MDGA2: variants seen among roughly 807,000 people sequenced by gnomAD.
The protein encoded by MDGA2 is MAM domain containing glycosylphosphatidylinositol anchor 2, also known as MAM domain-containing glycosylphosphatidylinositol anchor protein 2.
MDGA2 carries 40 observed loss-of-function variants against 117.8 expected under a neutral mutation model. The observed-to-expected ratio is 0.34, with a 90% CI of 0.26 to 0.44. The LOEUF is 0.44. Among genes scored for constraint, MDGA2 ranks in the 20% least tolerant of loss-of-function variants. The pLI is 1.00. For missense variants in MDGA2, 1,123 were observed against 1,250.6 expected (o/e 0.90, Z 1.54); for synonymous variants, 452 against 439.0 (o/e 1.03, Z -0.37).
intron 6 of MDGA2, 126 bp downstream of exon 6, chr14:47,096,728 C>T (rs1879991161): frequency 2.1e-6 from 2 of 946,574 alleles, no homozygotes; most frequent in East Asian, 2.5e-5. Context: ...ATTATTTATA[C>T]ATGATTTTAT....
chr14:47,360,720 G>GATAT (rs1197743188), intron 1 of MDGA2, among the ~76,000 whole-genome samples: 1 of 152,058 alleles, frequency 6.6e-6, no homozygotes, highest in Non-Finnish European at 1.5e-5. Context: ...TCCCTCTGTA[G>GATAT]ATATATACCC....
chr14:47,151,897 T>C (rs1005652520), intron 3 of MDGA2, among the ~76,000 whole-genome samples: 30 of 152,144 alleles, frequency 2.0e-4, no homozygotes, highest in African/African-American at 7.2e-4. Context: ...ATCTAATAAA[T>C]TAATATAAAG....
In MDGA2 at chr14:47,144,858, C is replaced by T. The variant is rs541744967; in HGVS notation, c.596-584G>A. On this transcript the variant is annotated intron_variant, in intron 3 of 16. Coordinates refer to ENST00000399232, the MANE Select transcript of MDGA2 (RefSeq NM_001113498.3). The stretch of plus-strand genomic sequence containing the variant: ...ACAGACAGGGACTGGCTATGTTGTC[C>T]AGGCTGGTCTTAAACTCCTGGCTTC... Among the ~76,000 whole-genome samples the T allele has an allele frequency of 6.3e-5, 9 of 142,048 alleles. No homozygotes were observed. In the South Asian group the frequency reaches 2.0e-3, roughly 31 times the overall value. 93.2% of individuals were successfully genotyped at this position (142,048 alleles called of 152,430 possible). A position where few individuals can be genotyped will look rare whatever the true frequency, so the allele number is the denominator to read the frequency against.
chr14:47,004,215 G>A (rs1217700648), intron 8 of MDGA2, among the ~76,000 whole-genome samples: 1 of 151,818 alleles, frequency 6.6e-6, no homozygotes, highest in Non-Finnish European at 1.5e-5. Flanking sequence ...AGTCATCAGA[G>A]AAATACAAAT....
chr14:47,189,123 C>A (rs1465343217), intron 3 of MDGA2, among the ~76,000 whole-genome samples: 1 of 152,116 alleles, frequency 6.6e-6, no homozygotes, highest in Non-Finnish European at 1.5e-5. Context: ...GCTCTGGTAT[C>A]CTGAGATTGC....
chr14:47,222,722 T>C (rs1347494985), intron 2 of MDGA2, among the ~76,000 whole-genome samples: 1 of 152,158 alleles, frequency 6.6e-6, no homozygotes, highest in Non-Finnish European at 1.5e-5. Context: ...AATCAAAAAT[T>C]AGAGGTAGGA....
At chr14:47,549,509 A>AC (rs1895538762) in intron 1 of MDGA2, among the ~76,000 whole-genome samples, 1 of 152,018 alleles carries the variant, frequency 6.6e-6, no homozygotes, top group Non-Finnish European at 1.5e-5. Context: ...TTTGGCTCTT[A>AC]TACTCTTATA....
chr14:47,282,919 G>A (rs1437664960), intron 2 of MDGA2, among the ~76,000 whole-genome samples: 2 of 152,098 alleles, frequency 1.3e-5, no homozygotes, highest in Admixed American at 1.3e-4. Flanking sequence ...CCGCACTCCA[G>A]CCTGAGCGAC....
intron 1 of MDGA2, among the ~76,000 whole-genome samples, chr14:47,416,215 A>C (rs1892472338): frequency 6.6e-6 from 1 of 152,180 alleles, no homozygotes; most frequent in South Asian, 2.1e-4. Context: ...TGTAGCTGTG[A>C]ATGTGTGAAA....
chr14:47,494,706 TGA>T (rs906501688), intron 1 of MDGA2, among the ~76,000 whole-genome samples: 11 of 151,896 alleles, frequency 7.2e-5, no homozygotes, highest in African/African-American at 2.7e-4. Context: ...TTGTATATGG[TGA>T]GAGAGAGGGG....
chr14:46,890,014 A>G (rs931613151), intron 10 of MDGA2, among the ~76,000 whole-genome samples: 6 of 152,044 alleles, frequency 3.9e-5, no homozygotes, highest in African/African-American at 1.4e-4. Context: ...TTATGCTAAA[A>G]TAATCCTCTT....
intron 1 of MDGA2, among the ~76,000 whole-genome samples, chr14:47,576,158 A>T (rs1186093425): frequency 6.6e-6 from 1 of 152,158 alleles, no homozygotes; most frequent in East Asian, 1.9e-4. Flanking sequence ...TTCTAACTTA[A>T]TTTCTATTTT....
In MDGA2 at chr14:47,115,405, C is replaced by A. The variant is rs1188644963; in HGVS notation, c.925+16309G>T. ...AGACTAATTCTAGAAGGCAGACGTG[C>A]CTCAATAAATTAAGGCCTTCCCTAA... On this transcript the variant is annotated intron_variant, in intron 5 of 16. Transcript: ENST00000399232. Among the ~76,000 whole-genome samples, 6 of 151,998 alleles carry A rather than the reference C, an allele frequency of 3.9e-5. No homozygotes were observed. The East Asian group carries it at 9.7e-4, about 25-fold the overall frequency.
intron 1 of MDGA2, among the ~76,000 whole-genome samples, chr14:47,557,905 C>T (rs1207305398): frequency 2.6e-5 from 4 of 152,150 alleles, no homozygotes. Context: ...AAAAGAGCTT[C>T]AAACAGATCC....
At chr14:47,053,646 T>TACAC (rs1889549902) in intron 7 of MDGA2, among the ~76,000 whole-genome samples, 11 of 39,882 alleles carry the variant, frequency 2.8e-4, no homozygotes, top group East Asian at 1.9e-3. Flanking sequence ...TATATATATA[T>TACAC]ATATATATAC....
chr14:47,150,219 T>C (rs1302477570), intron 3 of MDGA2, among the ~76,000 whole-genome samples: 2 of 152,220 alleles, frequency 1.3e-5, no homozygotes, highest in Non-Finnish European at 2.9e-5. Flanking sequence ...AACTCAGATG[T>C]AACCTCCCGT....
intron 1 of MDGA2, among the ~76,000 whole-genome samples, chr14:47,401,264 G>A (rs1421255969): frequency 6.6e-6 from 1 of 152,006 alleles, no homozygotes; most frequent in Non-Finnish European, 1.5e-5. Context: ...ATAAAAAATA[G>A]AACGGAATTC....
intron 1 of MDGA2, among the ~76,000 whole-genome samples, chr14:47,394,255 A>C (rs1047240205): frequency 1.3e-5 from 2 of 152,170 alleles, no homozygotes; most frequent in African/African-American, 4.8e-5. Context: ...TAAAAAAATA[A>C]AAGAACTAAG....
chr14:46,852,771 A>G (rs935592042), intron 15 of MDGA2, among the ~76,000 whole-genome samples: 1 of 151,888 alleles, frequency 6.6e-6, no homozygotes, highest in Admixed American at 6.6e-5. Flanking sequence ...CCCTATACCA[A>G]ACATTACTCT....
Sources: allele counts gnomAD v4.1 joint callset (sites outside exome capture counted in the v4.1 genomes callset), GRCh38; gene constraint gnomAD v4.1.1; transcripts MANE v1.5; gene names NCBI Gene and HGNC (gene_info 2026-07-23, HGNC 2026-07-21).